The following KRT71 variants were observed in gnomAD, a reference collection of about 807,000 sequenced individuals.
KRT71 encodes keratin 71, also known as keratin, type II cytoskeletal 71.
A neutral mutation model predicts 46.2 loss-of-function variants in KRT71; 42 were observed. That is an observed-to-expected ratio of 0.91 (90% confidence interval 0.71 to 1.18). KRT71 has a LOEUF of 1.18. Among genes scored for constraint, KRT71 ranks in the 50% most tolerant of loss-of-function variants. KRT71 has a pLI of 0.00. For synonymous variants in KRT71, 292 were observed against 277.8 expected, an observed-to-expected ratio of 1.05 and a Z score of -0.51; for missense variants, 708 against 677.9, an observed-to-expected ratio of 1.04 and a Z score of -0.49.
intron 2 of KRT71, 134 bp downstream of exon 2, chr12:52,549,895 G>T: frequency 3.0e-6 from 3 of 998,690 alleles, no homozygotes; most frequent in Admixed American, 2.3e-5. Context: ...GTTTTGTTGG[G>T]GTGATTCTGC....
chr12:52,548,011 G>A (rs748750083), intron 5 of KRT71, 29 bp from the exon 6 acceptor site: 8 of 1,612,698 alleles, frequency 5.0e-6, no homozygotes, highest in Non-Finnish European at 6.8e-6. Flanking sequence ...AGAGTCATGA[G>A]TGTGTCGTGG....
Position 52,544,419 on chromosome 12 carries a change from G to T in KRT71, c.*113C>A. On this transcript the variant is annotated 3_prime_UTR_variant, in exon 9 of 9. Coordinates refer to ENST00000267119, the MANE Select transcript of KRT71 (RefSeq NM_033448.3). ...TGGGTGGCCAAGGCCAGTGCCAGGT[G>T]TATGGGAGCAGGACCAGCAGGGTGG... 1 of 998,322 alleles carries T rather than the reference G, an allele frequency of 1.0e-6. No individual in the cohort carries two copies. Among genetic ancestry groups the T allele is most frequent in the Non-Finnish European group, 1.6e-6 (1 of 636,076 alleles). 61.8% of individuals were successfully genotyped at this position (998,322 alleles called of 1,614,324 possible). A position where few individuals can be genotyped will look rare whatever the true frequency, so the allele number is the denominator to read the frequency against.
At chr12:52,550,369 C>G (rs915522678) in intron 1 of KRT71, 126 bp from the exon 2 acceptor site, 1 of 1,162,996 alleles carries the variant, frequency 8.6e-7, no homozygotes, top group Non-Finnish European at 1.2e-6. Flanking sequence ...GTGGGCAAAT[C>G]ATTACCCTCT....
At chr12:52,547,521 G>T (rs1939076738) in intron 6 of KRT71, among the ~76,000 whole-genome samples, 1 of 152,190 alleles carries the variant, frequency 6.6e-6, no homozygotes, top group South Asian at 2.1e-4. Flanking sequence ...CCAGCTCCCT[G>T]CCCCCTTTCA....
rs778794957 is a variant in KRT71, at chr12:52,546,434, T to A, written c.1177A>T (p.Lys393Ter). Residue 393 changes from lysine (K) to a stop codon, truncating the protein, a stop_gained, in exon 7 of 9, where the codon AAG (lysine) becomes TAG (stop). Coordinates refer to ENST00000267119, the MANE Select transcript of KRT71 (RefSeq NM_033448.3). LOFTEE classifies it high-confidence loss of function. ...GDNALKDARA[K>*]LDELEGALHQ... ...AGGGCGCCCTCCAGCTCGTCCAGCT[T>A]GGCCCGGGCATCCTTCAGGGCGTTG... 1 of 1,614,190 alleles carries A rather than the reference T, an allele frequency of 6.2e-7. No homozygotes were observed.
At chr12:52,548,866 G>T in intron 3 of KRT71, 70 bp from the exon 4 acceptor site, 1 of 1,332,910 alleles carries the variant, frequency 7.5e-7, no homozygotes, top group South Asian at 1.2e-5. Flanking sequence ...TCCCTGCCTG[G>T]GTTCCCTGAG....
chr12:52,549,975 C>A, intron 2 of KRT71, 54 bp downstream of exon 2: 1 of 1,604,096 alleles, frequency 6.2e-7, no homozygotes, highest in Non-Finnish European at 8.5e-7. Flanking sequence ...TGCCAGGGGT[C>A]CCTTGGAGGG....
intron 2 of KRT71, 82 bp from the exon 3 acceptor site, chr12:52,549,435 C>T (rs544547423): frequency 5.8e-5 from 68 of 1,169,206 alleles, no homozygotes; most frequent in Middle Eastern, 4.1e-4. Flanking sequence ...CAAGGAGCAG[C>T]GTGTCCATCA....
rs577775531 is a variant in KRT71, at chr12:52,544,242, G to A, written c.*290C>T. The A allele has an allele frequency of 1.4e-4, 71 of 511,022 alleles. No homozygotes were observed. Among genetic ancestry groups the A allele is most frequent in the African/African-American group, 1.3e-3 (68 of 52,306 alleles). The allele number at this position is 511,022 out of a possible 1,614,324, so 31.7% of individuals were successfully genotyped here. ...AGTTAGCGACTGCGCTAGAGGCCGGGCAGAGGAGGAAAGCTGGCAGCCAGG... is the reference window on the plus strand; with the variant it reads ...AGTTAGCGACTGCGCTAGAGGCCGGACAGAGGAGGAAAGCTGGCAGCCAGG... On this transcript the variant is annotated 3_prime_UTR_variant, in exon 9 of 9. Coordinates refer to ENST00000267119, the MANE Select transcript of KRT71 (RefSeq NM_033448.3).
At chr12:52,550,274 C>A in intron 1 of KRT71, 31 bp from the exon 2 acceptor site, 1 of 1,610,898 alleles carries the variant, frequency 6.2e-7, no homozygotes, top group South Asian at 1.1e-5. Context: ...ACTGCTGAAC[C>A]CTTGCAGTAA....
Position 52,552,645 on chromosome 12 carries a change from T to C in KRT71, c.433A>G (p.Ile145Val). 6.2e-7 allele frequency: 1 copy of C among 1,610,340 alleles called. No individual in the cohort carries two copies. Among genetic ancestry groups the C allele is most frequent in the Non-Finnish European group, 8.5e-7 (1 of 1,178,164 alleles). Residue 145 changes from isoleucine to valine, a missense_variant, in exon 1 of 9, where the codon ATC becomes GTC. Physicochemically the swap from Ile to Val is conservative, Grantham distance 29. Transcript: ENST00000267119. ...GGCCCTAGAAGACCCACCTTGTCGA[T>C]GAAGGAGGCGAACTTGTTGTTCAGA... The part of the protein sequence containing the change: ...KALNNKFASF[I>V]DKVRFLEQQN...
chr12:52,545,979 C>T (rs1206540377), intron 7 of KRT71, among the ~76,000 whole-genome samples: 1 of 151,734 alleles, frequency 6.6e-6, no homozygotes, highest in African/African-American at 2.4e-5. Flanking sequence ...ACAAGAATGC[C>T]TAATAGAGTA....
Position 52,549,350 on chromosome 12 carries a change from A to C in KRT71, c.660T>G (p.Tyr220Ter). The change falls in exon 3 of 9, where the codon TAT becomes TAG. Residue 220 changes from tyrosine (Y) to a stop codon, truncating the protein, a stop_gained. Transcript: ENST00000267119. LOFTEE classifies it high-confidence loss of function. ...CTGTCCGCTTGTTGATTTCCTCCTC[A>C]TACCTGTGGGAATGGCGAGGGCTCA... ...RDVVEDYKKR[Y>*]EEEINKRTAA... 1 of 1,613,110 alleles carries C rather than the reference A, an allele frequency of 6.2e-7. No individual in the cohort carries two copies. Among genetic ancestry groups the C allele is most frequent in the Non-Finnish European group, 8.5e-7 (1 of 1,179,160 alleles).
Position 52,552,904 on chromosome 12 carries a change from A to C in KRT71, c.174T>G (p.Asn58Lys). Residue 58 changes from asparagine to lysine, a missense_variant, in exon 1 of 9, where the codon AAT becomes AAG. Coordinates refer to ENST00000267119, the MANE Select transcript of KRT71 (RefSeq NM_033448.3). ...CACTCTTCCCGCTGCCACTGGCCAC[A>C]TTGAGGCTCCGGACACCCCCCAGGC... is the stretch of plus-strand genomic sequence containing the variant. ...LYSLGGVRSL[N>K]VASGSGKSGG... The C allele has an allele frequency of 6.2e-7, 1 of 1,614,156 alleles. No homozygotes were observed. The highest frequency in any genetic ancestry group is 8.5e-7 in the Non-Finnish European group (1 of 1,180,038).
At chr12:52,545,673 A>G (rs999418282) in intron 7 of KRT71, 74 bp from the exon 8 acceptor site, 28 of 941,352 alleles carry the variant, frequency 3.0e-5, no homozygotes, top group Middle Eastern at 4.3e-4. Context: ...TACTGCCACC[A>G]TCAGCCTTAT....
At chr12:52,546,605 C>G (rs1238444086) in intron 6 of KRT71, 99 bp from the exon 7 acceptor site, 2 of 1,172,636 alleles carry the variant, frequency 1.7e-6, no homozygotes. Context: ...GAGTGGCCCG[C>G]CTCCACCCTA....
At chr12:52,547,182 C>T (rs1425599721) in intron 6 of KRT71, among the ~76,000 whole-genome samples, 1 of 152,186 alleles carries the variant, frequency 6.6e-6, no homozygotes, top group Non-Finnish European at 1.5e-5. Context: ...GTGTAACCCC[C>T]TTATCCTCTC....
chr12:52,548,573 T>G, intron 4 of KRT71, 128 bp downstream of exon 4: 2 of 867,560 alleles, frequency 2.3e-6, no homozygotes, highest in South Asian at 3.2e-5. Flanking sequence ...GCAAGTCTGA[T>G]GCGGGAGATG....
intron 8 of KRT71, 140 bp from the exon 9 acceptor site, chr12:52,544,883 C>A: frequency 1.4e-6 from 1 of 700,828 alleles, no homozygotes; most frequent in Non-Finnish European, 2.5e-6. Context: ...GAGAATGTAC[C>A]AAAGACAGCT....
Sources: allele counts gnomAD v4.1 joint callset (sites outside exome capture counted in the v4.1 genomes callset), GRCh38; gene constraint gnomAD v4.1.1; transcripts MANE v1.5; gene names NCBI Gene and HGNC (gene_info 2026-07-23, HGNC 2026-07-21).